The following DPP10 variants were observed in gnomAD, a reference collection of about 807,000 sequenced individuals.
DPP10 encodes inactive dipeptidyl peptidase 10.
Under a neutral mutation model 120.9 loss-of-function variants are expected in DPP10, and 33 were observed. That is an observed-to-expected ratio of 0.27 (90% confidence interval 0.21 to 0.37). The LOEUF (loss-of-function observed/expected upper bound fraction) is 0.37, where lower values mean the gene tolerates loss of function less well. Ranked by LOEUF, DPP10 falls within the 10% of genes least tolerant of loss-of-function variation. The pLI is 1.00. For synonymous variants in DPP10, 337 were observed against 326.1 expected, an observed-to-expected ratio of 1.03 and a Z score of -0.36; for missense variants, 816 against 942.8, an observed-to-expected ratio of 0.87 and a Z score of 1.76.
rs371697179 is a variant in DPP10 at position 114,533,129 on chromosome 2, T to G, written c.60+90291T>G. Among the ~76,000 whole-genome samples the G allele has an allele frequency of 5.3e-5, 8 of 152,274 alleles. No individual in the cohort carries two copies. The East Asian group carries it at 1.5e-3, about 29-fold the overall frequency. The stretch of plus-strand genomic sequence containing the variant: ...TGGTAAAAAGTTGGTATGAGGTGTA[T>G]GTATCATGGCATTGGGCATCTTAGC... On this transcript the variant is annotated intron_variant, in intron 1 of 25. Transcript: ENST00000410059.
chr2:115,247,286 G>T (rs2105629930), intron 1 of DPP10, among the ~76,000 whole-genome samples: 1 of 152,186 alleles, frequency 6.6e-6, no homozygotes, highest in African/African-American at 2.4e-5. Flanking sequence ...CTACAATTTT[G>T]TTTTGATGTC....
At position 115,525,772 on chromosome 2, in the gene DPP10, T is replaced by C. The variant is rs561151458; in HGVS notation, c.367-126T>C. 1.6e-4 allele frequency: 108 copies of C among 657,906 alleles called. 2 individuals carry two copies. The South Asian group carries it at 2.1e-3, about 13-fold the overall frequency. 40.8% of individuals were successfully genotyped at this position (657,906 alleles called of 1,614,324 possible). A position where few individuals can be genotyped will look rare whatever the true frequency, so the allele number is the denominator to read the frequency against. ...ATACATACATACATGCAAATATGTA[T>C]ACAATATAAAAGAAATGAGAATGCC... On this transcript the variant is annotated intron_variant, in intron 4 of 25. Transcript: ENST00000410059.
At chr2:115,585,615 C>T (rs1286199223) in intron 5 of DPP10, among the ~76,000 whole-genome samples, 1 of 152,112 alleles carries the variant, frequency 6.6e-6, no homozygotes, top group African/African-American at 2.4e-5. Flanking sequence ...ACAAAGATAC[C>T]ATACAGTCAA....
chr2:115,694,986 A>C (rs2091508717), intron 7 of DPP10, among the ~76,000 whole-genome samples: 1 of 152,172 alleles, frequency 6.6e-6, no homozygotes, highest in African/African-American at 2.4e-5. Flanking sequence ...AGAGGAAGGC[A>C]GCTATTGTTT....
chr2:114,766,135 A>T (rs954989915), intron 1 of DPP10, among the ~76,000 whole-genome samples: 1 of 151,998 alleles, frequency 6.6e-6, no homozygotes, highest in Non-Finnish European at 1.5e-5. Context: ...CTAAAACACA[A>T]AAATGAGCAT....
intron 1 of DPP10, among the ~76,000 whole-genome samples, chr2:115,260,369 A>G (rs2059199672): frequency 1.3e-5 from 2 of 152,116 alleles, no homozygotes; most frequent in Admixed American, 6.5e-5. Flanking sequence ...TTTGTGTGCT[A>G]CTTTTTACTA....
chr2:115,780,123 C>T (rs991638702), intron 15 of DPP10, among the ~76,000 whole-genome samples: 2 of 151,892 alleles, frequency 1.3e-5, no homozygotes, highest in Admixed American at 6.6e-5. Context: ...ACAGTGTTTT[C>T]ATCCATTGAC....
chr2:114,995,602 T>C (rs907541322), intron 1 of DPP10, among the ~76,000 whole-genome samples: 8 of 152,186 alleles, frequency 5.3e-5, no homozygotes, highest in East Asian at 1.9e-4. Context: ...TGCAAGAGTA[T>C]AAAAAATTAT....
chr2:115,173,994 A>AT (rs1190088958), intron 1 of DPP10, among the ~76,000 whole-genome samples: 1 of 152,174 alleles, frequency 6.6e-6, no homozygotes, highest in Non-Finnish European at 1.5e-5. Context: ...ATAACTTTGG[A>AT]TTGTCTGTGA....
chr2:114,855,939 C>A (rs1244071933), intron 1 of DPP10, among the ~76,000 whole-genome samples: 1 of 133,624 alleles, frequency 7.5e-6, no homozygotes, highest in Non-Finnish European at 1.7e-5. Flanking sequence ...CTTCAGGCAT[C>A]CCTCAGGCTA....
chr2:114,478,006 T>C (rs1399470455), intron 1 of DPP10, among the ~76,000 whole-genome samples: 1 of 150,898 alleles, frequency 6.6e-6, no homozygotes, highest in African/African-American at 2.4e-5. Context: ...TATATATGTA[T>C]GTATTTCTAT....
rs199507916 is a variant in DPP10 at position 115,380,810 on chromosome 2, GA to G, written c.271+36900del. On this transcript the variant is annotated intron_variant, in intron 3 of 25. Transcript: ENST00000410059. ...AGTATTTTATTTCTCCTTCACTTATGAAGCTTAGTTTGGCTTGATATGAAAT... is the reference window on the plus strand; with the variant it reads ...AGTATTTTATTTCTCCTTCACTTATGAGCTTAGTTTGGCTTGATATGAAAT... Among the ~76,000 whole-genome samples the G allele has an allele frequency of 5.1e-3, 771 of 152,140 alleles. 31 individuals are homozygous for G. The East Asian group carries it at 0.12, about 23-fold the overall frequency.
At chr2:114,937,646 C>T (rs1387481033) in intron 1 of DPP10, among the ~76,000 whole-genome samples, 1 of 152,128 alleles carries the variant, frequency 6.6e-6, no homozygotes, top group Non-Finnish European at 1.5e-5. Flanking sequence ...TGGAGTTTAC[C>T]ACCAATTAAC....
At chr2:114,607,895 C>A (rs1573778992) in intron 1 of DPP10, among the ~76,000 whole-genome samples, 1 of 152,180 alleles carries the variant, frequency 6.6e-6, no homozygotes, top group Admixed American at 6.5e-5. Flanking sequence ...GTGGTCTTTT[C>A]TTTCAAGGAA....
chr2:115,357,988 C>T (rs929446634), intron 3 of DPP10, among the ~76,000 whole-genome samples: 2 of 152,102 alleles, frequency 1.3e-5, no homozygotes, highest in Admixed American at 6.6e-5. Context: ...GCCTTGGACC[C>T]GACCCAGGAA....
intron 1 of DPP10, among the ~76,000 whole-genome samples, chr2:114,610,185 T>C (rs1341845930): frequency 6.6e-6 from 1 of 152,198 alleles, no homozygotes; most frequent in Non-Finnish European, 1.5e-5. Context: ...TTTTCTGGTA[T>C]ATATCACAGG....
chr2:115,399,345 A>G (rs1476195177), intron 3 of DPP10, among the ~76,000 whole-genome samples: 1 of 152,208 alleles, frequency 6.6e-6, no homozygotes, highest in African/African-American at 2.4e-5. Flanking sequence ...CACAATAATA[A>G]TAGTATAAAC....
chr2:114,877,509 C>T (rs1691252883), intron 1 of DPP10, among the ~76,000 whole-genome samples: 1 of 152,052 alleles, frequency 6.6e-6, no homozygotes, highest in Non-Finnish European at 1.5e-5. Context: ...ATTGAACTCA[C>T]TGTGAGCCTT....
rs534189394 is a variant in DPP10, at chr2:115,629,113, G to A, written c.442-60574G>A. Among the ~76,000 whole-genome samples the A allele has an allele frequency of 1.8e-4, 27 of 152,122 alleles. No individual in the cohort carries two copies. The East Asian group carries it at 3.3e-3, about 19-fold the overall frequency. On this transcript the variant is annotated intron_variant, in intron 5 of 25. Coordinates refer to ENST00000410059, the MANE Select transcript of DPP10 (RefSeq NM_020868.6). The stretch of plus-strand genomic sequence containing the variant: ...AGTTTGCTGAGAATGATAGTTTCCC[G>A]CTTCATCCATGTCCCTACAGAGGAC...
Sources: allele counts gnomAD v4.1 joint callset (sites outside exome capture counted in the v4.1 genomes callset), GRCh38; gene constraint gnomAD v4.1.1; transcripts MANE v1.5; gene names NCBI Gene and HGNC (gene_info 2026-07-23, HGNC 2026-07-21).